The following SMYD3 variants were observed in gnomAD, a reference collection of about 807,000 sequenced individuals.
The protein encoded by SMYD3 is histone-lysine N-methyltransferase SMYD3.
SMYD3 carries 36 observed loss-of-function variants against 57.7 expected under a neutral mutation model. The ratio of observed to expected loss-of-function variants is 0.62; its 90% CI spans 0.48 to 0.82. The LOEUF (loss-of-function observed/expected upper bound fraction) is 0.82. SMYD3 is among the 40% of genes least tolerant of loss of function. The pLI is 0.00. For missense variants in SMYD3, 515 were observed against 538.8 expected (o/e 0.96, Z 0.44); for synonymous variants, 211 against 195.0 (o/e 1.08, Z -0.68).
intron 1 of SMYD3, among the ~76,000 whole-genome samples, chr1:246,404,599 A>C (rs1436586062): frequency 6.6e-6 from 1 of 152,214 alleles, no homozygotes; most frequent in Non-Finnish European, 1.5e-5. Flanking sequence ...GAACTAAGTC[A>C]ACAAAACTGC....
intron 1 of SMYD3, among the ~76,000 whole-genome samples, chr1:246,494,807 C>A (rs2068330605): frequency 6.6e-6 from 1 of 152,168 alleles, no homozygotes; most frequent in African/African-American, 2.4e-5. Flanking sequence ...CAACATAATT[C>A]CTGTTTGTCC....
chr1:246,071,335 G>A (rs932138444), intron 5 of SMYD3, among the ~76,000 whole-genome samples: 6 of 152,110 alleles, frequency 3.9e-5, no homozygotes, highest in African/African-American at 4.8e-5. Context: ...AGGGTAGGAC[G>A]GTGGGAGAAA....
chr1:246,433,404 T>TA (rs1037234119), intron 1 of SMYD3, among the ~76,000 whole-genome samples: 11 of 152,318 alleles, frequency 7.2e-5, no homozygotes, highest in African/African-American at 2.4e-4. Flanking sequence ...CTCACGCCTG[T>TA]AATCCCAGCA....
chr1:245,939,793 TG>T (rs761140391), intron 5 of SMYD3, among the ~76,000 whole-genome samples: 6 of 152,170 alleles, frequency 3.9e-5, no homozygotes, highest in Non-Finnish European at 8.8e-5. Context: ...CTCTGCCAGG[TG>T]GAACAGTCCC....
chr1:246,259,917 T>A (rs549817196), intron 5 of SMYD3, among the ~76,000 whole-genome samples: 13 of 152,334 alleles, frequency 8.5e-5, no homozygotes, highest in African/African-American at 2.9e-4. Context: ...TACACAGGAA[T>A]GGGGGATGCC....
At chr1:246,231,066 T>C (rs1481851894) in intron 5 of SMYD3, among the ~76,000 whole-genome samples, 2 of 152,218 alleles carry the variant, frequency 1.3e-5, no homozygotes, top group Non-Finnish European at 2.9e-5. Context: ...TTTTTCCGAT[T>C]ACAGACTTAG....
At chr1:246,134,641 A>G (rs2061639481) in intron 5 of SMYD3, among the ~76,000 whole-genome samples, 1 of 152,022 alleles carries the variant, frequency 6.6e-6, no homozygotes, top group East Asian at 1.9e-4. Context: ...AAGAACCACT[A>G]GTCTATTCCC....
chr1:246,069,120 A>C (rs1407151575), intron 5 of SMYD3, among the ~76,000 whole-genome samples: 1 of 152,228 alleles, frequency 6.6e-6, no homozygotes, highest in East Asian at 1.9e-4. Context: ...GCTGGAGCAC[A>C]GAGATAACCG....
At chr1:245,829,261 TAATC>T (rs2148374756) in intron 10 of SMYD3, among the ~76,000 whole-genome samples, 1 of 152,310 alleles carries the variant, frequency 6.6e-6, no homozygotes, top group East Asian at 1.9e-4. Context: ...ATTGAATATT[TAATC>T]AATCAACAAG....
intron 5 of SMYD3, among the ~76,000 whole-genome samples, chr1:246,124,295 G>A (rs1443819176): frequency 6.6e-6 from 1 of 152,120 alleles, no homozygotes; most frequent in African/African-American, 2.4e-5. Flanking sequence ...AAAATGTGGA[G>A]TTGGCCAAAG....
At chr1:246,177,429 C>A (rs2062452840) in intron 5 of SMYD3, among the ~76,000 whole-genome samples, 1 of 152,108 alleles carries the variant, frequency 6.6e-6, no homozygotes, top group Non-Finnish European at 1.5e-5. Context: ...GACATGGCAG[C>A]CTACTGAATA....
At chr1:245,997,303 C>T (rs2058950108) in intron 5 of SMYD3, among the ~76,000 whole-genome samples, 2 of 152,152 alleles carry the variant, frequency 1.3e-5, no homozygotes, top group African/African-American at 2.4e-5. Flanking sequence ...GGGAGTGATC[C>T]CCAGAAAATC....
intron 4 of SMYD3, among the ~76,000 whole-genome samples, chr1:246,329,398 T>C (rs2065419767): frequency 1.3e-5 from 2 of 152,258 alleles, no homozygotes; most frequent in South Asian, 2.1e-4. Flanking sequence ...TGGTGTGAGA[T>C]GGTATCTCAC....
intron 5 of SMYD3, among the ~76,000 whole-genome samples, chr1:246,004,271 T>C (rs1046156175): frequency 5.9e-5 from 9 of 152,120 alleles, no homozygotes; most frequent in South Asian, 2.1e-4. Context: ...ATTTGTTTTA[T>C]AAAAATGCAA....
At chr1:246,145,358 T>C (rs1291442905) in intron 5 of SMYD3, among the ~76,000 whole-genome samples, 2 of 152,244 alleles carry the variant, frequency 1.3e-5, no homozygotes, top group Non-Finnish European at 2.9e-5. Flanking sequence ...ATAGCTTTTA[T>C]TCTCCCAATT....
At chr1:246,054,202 T>A (rs1387429862) in intron 5 of SMYD3, among the ~76,000 whole-genome samples, 1 of 152,068 alleles carries the variant, frequency 6.6e-6, no homozygotes, top group Non-Finnish European at 1.5e-5. Context: ...GAAATGGGAA[T>A]TAAAACCACA....
chr1:246,235,132 C>T (rs1179498453), intron 5 of SMYD3, among the ~76,000 whole-genome samples: 1 of 152,184 alleles, frequency 6.6e-6, no homozygotes, highest in Non-Finnish European at 1.5e-5. Flanking sequence ...AAACATTTCA[C>T]TAATAGACCT....
intron 1 of SMYD3, among the ~76,000 whole-genome samples, chr1:246,384,895 A>C (rs981925243): frequency 2.6e-5 from 4 of 152,154 alleles, no homozygotes; most frequent in Non-Finnish European, 4.4e-5. Flanking sequence ...AATTGAGCTG[A>C]TTTTCTTCAT....
At chr1:246,124,356 G>C (rs1163830871) in intron 5 of SMYD3, among the ~76,000 whole-genome samples, 1 of 152,034 alleles carries the variant, frequency 6.6e-6, no homozygotes, top group East Asian at 1.9e-4. Context: ...AAAAAAGAAA[G>C]AAAGAAAGAA....
Sources: allele counts gnomAD v4.1 joint callset (sites outside exome capture counted in the v4.1 genomes callset), GRCh38; gene constraint gnomAD v4.1.1; transcripts MANE v1.5; gene names NCBI Gene and HGNC (gene_info 2026-07-23, HGNC 2026-07-21).